Variants in MAGI2 observed in about 807,000 individuals in gnomAD.
MAGI2 encodes the protein membrane associated guanylate kinase, WW and PDZ domain containing 2.
A neutral mutation model predicts 133.3 loss-of-function variants in MAGI2; 35 were observed. That is an observed-to-expected ratio of 0.26 (90% CI 0.20 to 0.35). MAGI2 has a LOEUF of 0.35. MAGI2 is among the 10% of genes least tolerant of loss of function. The pLI is 1.00. For missense variants in MAGI2, 1,636 were observed against 1,863.4 expected (o/e 0.88, Z 2.25); for synonymous variants, 729 against 710.6 (o/e 1.03, Z -0.41).
intron 20 of MAGI2, among the ~76,000 whole-genome samples, chr7:78,120,971 A>C (rs1820400915): frequency 8.0e-6 from 1 of 125,458 alleles, no homozygotes. Flanking sequence ...ACTGCACTCC[A>C]GCCTGGGCGA....
At chr7:79,278,790 G>A (rs1230295288) in intron 1 of MAGI2, among the ~76,000 whole-genome samples, 1 of 152,144 alleles carries the variant, frequency 6.6e-6, no homozygotes, top group Admixed American at 6.5e-5. Context: ...TTGAATCTCA[G>A]TCCTACCACC....
chr7:78,575,792 A>G (rs1358792270), intron 3 of MAGI2, among the ~76,000 whole-genome samples: 2 of 152,182 alleles, frequency 1.3e-5, no homozygotes, highest in Non-Finnish European at 2.9e-5. Context: ...CACCAAAAAT[A>G]AGGAAAATCT....
chr7:78,383,191 GT>G (rs1366437930), intron 6 of MAGI2, among the ~76,000 whole-genome samples: 14 of 152,068 alleles, frequency 9.2e-5, no homozygotes, highest in African/African-American at 3.4e-4. Context: ...TCTCCATACT[GT>G]TTTTCATAGT....
At chr7:78,398,665 A>G (rs910068821) in intron 6 of MAGI2, among the ~76,000 whole-genome samples, 2 of 152,076 alleles carry the variant, frequency 1.3e-5, no homozygotes, top group African/African-American at 2.4e-5. Context: ...GAAACGTAGT[A>G]AGAAAGGTAG....
At chr7:78,381,349 TAAAAG>T (rs111830035) in intron 6 of MAGI2, among the ~76,000 whole-genome samples, 10 of 150,868 alleles carry the variant, frequency 6.6e-5, no homozygotes, top group East Asian at 5.8e-4. Flanking sequence ...CTGTCTCAAT[TAAAAG>T]AAAAGAAAAG....
At chr7:78,282,654 A>T (rs1795737936) in intron 9 of MAGI2, among the ~76,000 whole-genome samples, 2 of 152,164 alleles carry the variant, frequency 1.3e-5, no homozygotes, top group African/African-American at 4.8e-5. Flanking sequence ...CCAACTTTGT[A>T]CTTAGGTAAT....
chr7:79,307,934 C>A (rs1188603981), intron 1 of MAGI2, among the ~76,000 whole-genome samples: 1 of 152,178 alleles, frequency 6.6e-6, no homozygotes, highest in Non-Finnish European at 1.5e-5. Context: ...CTAGTTCAGT[C>A]TTTCCTCTTT....
intron 6 of MAGI2, among the ~76,000 whole-genome samples, chr7:78,375,703 G>T (rs1794384700): frequency 6.6e-6 from 1 of 151,942 alleles, no homozygotes; most frequent in Admixed American, 6.6e-5. Context: ...TGTATTATAT[G>T]GTAATAGCTA....
chr7:79,365,552 C>A (rs540019367), intron 1 of MAGI2, among the ~76,000 whole-genome samples: 2 of 152,136 alleles, frequency 1.3e-5, no homozygotes, highest in Admixed American at 1.3e-4. Context: ...GAGTAACAAG[C>A]TATTTTTTTA....
intron 1 of MAGI2, among the ~76,000 whole-genome samples, chr7:79,439,673 G>A (rs1230768002): frequency 6.6e-6 from 1 of 152,064 alleles, no homozygotes; most frequent in African/African-American, 2.4e-5. Context: ...AAAAATTAAT[G>A]AATAATTATT....
intron 7 of MAGI2, among the ~76,000 whole-genome samples, chr7:78,363,760 C>T (rs12539285): frequency 0.054 from 8,190 of 152,028 alleles, 301 homozygotes; most frequent in Middle Eastern, 0.12. Context: ...CTGAACATAC[C>T]TATGTTAAGT....
At chr7:79,227,505 A>G (rs561220360) in intron 1 of MAGI2, among the ~76,000 whole-genome samples, 1 of 152,308 alleles carries the variant, frequency 6.6e-6, no homozygotes, top group South Asian at 2.1e-4. Flanking sequence ...AAATTGTTAT[A>G]ATATATTCTT....
chr7:79,435,124 A>G (rs546882188), intron 1 of MAGI2, among the ~76,000 whole-genome samples: 1 of 152,194 alleles, frequency 6.6e-6, no homozygotes. Context: ...AACAGCTTTC[A>G]GAACTGTATG....
intron 6 of MAGI2, among the ~76,000 whole-genome samples, chr7:78,444,749 T>G (rs934393506): frequency 1.6e-5 from 1 of 60,910 alleles, no homozygotes; most frequent in Admixed American, 2.4e-4. Flanking sequence ...CTCCCTCAAT[T>G]TATATGTATG....
intron 2 of MAGI2, among the ~76,000 whole-genome samples, chr7:78,961,612 T>C (rs1243396790): frequency 1.3e-5 from 2 of 152,164 alleles, no homozygotes; most frequent in African/African-American, 2.4e-5. Context: ...AACTGACTTG[T>C]ACTGTAATGC....
intron 1 of MAGI2, among the ~76,000 whole-genome samples, chr7:79,023,193 TAA>T (rs970763806): frequency 6.6e-6 from 1 of 152,004 alleles, no homozygotes; most frequent in African/African-American, 2.4e-5. Context: ...TACAAATCAA[TAA>T]GTGTGATTCA....
chr7:78,770,697 G>A (rs1181927825), intron 2 of MAGI2, among the ~76,000 whole-genome samples: 1 of 152,178 alleles, frequency 6.6e-6, no homozygotes, highest in African/African-American at 2.4e-5. Flanking sequence ...TGAAGTGAGA[G>A]TCGAATCAAG....
At chr7:79,305,137 T>G (rs1025120625) in intron 1 of MAGI2, among the ~76,000 whole-genome samples, 2 of 152,180 alleles carry the variant, frequency 1.3e-5, no homozygotes, top group Non-Finnish European at 2.9e-5. Flanking sequence ...ATCATTTTCT[T>G]GGCCCTTTGG....
intron 2 of MAGI2, among the ~76,000 whole-genome samples, chr7:78,748,904 G>T (rs1159235994): frequency 6.6e-6 from 1 of 152,092 alleles, no homozygotes; most frequent in African/African-American, 2.4e-5. Context: ...TCTTTAGAAA[G>T]TTCTGTGTAA....
Sources: allele counts gnomAD v4.1 joint callset (sites outside exome capture counted in the v4.1 genomes callset), GRCh38; gene constraint gnomAD v4.1.1; transcripts MANE v1.5; gene names NCBI Gene and HGNC (gene_info 2026-07-23, HGNC 2026-07-21).